Variants in GRIA2 observed in about 807,000 individuals in gnomAD.
GRIA2 encodes the protein glutamate ionotropic receptor AMPA type subunit 2, also known as glutamate receptor 2.
Under a neutral mutation model 97.3 loss-of-function variants are expected in GRIA2, and 14 were observed. That is an observed-to-expected ratio of 0.14 (90% CI 0.10 to 0.23). GRIA2 has a LOEUF of 0.23. GRIA2 is among the 10% of genes least tolerant of loss of function. The probability of loss-of-function intolerance (pLI) is 1.00; values close to 1 mark genes in which losing one functional copy is unlikely to be tolerated. For missense variants in GRIA2, 558 were observed against 1,069.8 expected (o/e 0.52, Z 6.67); for synonymous variants, 412 against 387.8 (o/e 1.06, Z -0.73).
rs1040087772 is a variant in GRIA2, at chr4:157,221,739, C to T, written c.161C>T (p.Ser54Leu). 1.9e-6 allele frequency: 3 copies of T among 1,613,676 alleles called. No individual in the cohort carries two copies. Among genetic ancestry groups the T allele is most frequent in the African/African-American group, 1.3e-5 (1 of 74,910 alleles). ...GTAGGGATGGTTCAGTTTTCCACTT[C>T]GGAGTTCAGACTGACACCCCACATC... ...FRVGMVQFSTSEFRLTPHIDN... is the reference protein window; with the variant it reads ...FRVGMVQFSTLEFRLTPHIDN... The change falls in exon 2 of 16, where the codon TCG (serine) becomes TTG (leucine). Residue 54 changes from serine (S) to leucine (L), a missense_variant. Ser to Leu is a moderately radical substitution (Grantham distance 145). Coordinates refer to ENST00000264426, the MANE Select transcript of GRIA2 (RefSeq NM_001083619.3).
intron 2 of GRIA2, among the ~76,000 whole-genome samples, chr4:157,278,720 C>T (rs1732460467): frequency 6.6e-6 from 1 of 151,804 alleles, no homozygotes; most frequent in Non-Finnish European, 1.5e-5. Context: ...AAAGACATAT[C>T]TAATAAAGGC....
intron 2 of GRIA2, among the ~76,000 whole-genome samples, chr4:157,269,852 TC>T (rs1476516806): frequency 6.6e-5 from 10 of 152,234 alleles, no homozygotes; most frequent in South Asian, 2.1e-4. Context: ...TGTTTAGGTA[TC>T]TTTTTTACTA....
At chr4:157,242,418 C>T (rs1561006454) in intron 2 of GRIA2, among the ~76,000 whole-genome samples, 1 of 151,994 alleles carries the variant, frequency 6.6e-6, no homozygotes, top group Non-Finnish European at 1.5e-5. Flanking sequence ...TAAAAGCACA[C>T]TGAAGCAATA....
In GRIA2 at chr4:157,336,249, T is replaced by G. The variant is rs1229498920; in HGVS notation, c.1474-128T>G. The G allele has an allele frequency of 3.4e-5, 26 of 774,626 alleles. No homozygotes were observed. The East Asian group carries it at 5.9e-4, about 18-fold the overall frequency. The allele number at this position is 774,626 out of a possible 1,614,324, so 48.0% of individuals were successfully genotyped here. Reference sequence around the variant, plus strand: ...CTTTTTGTTTATCCTTTACTGGGACTATACCAAGGAAAAAATTATTGTCAT... The same window carrying G: ...CTTTTTGTTTATCCTTTACTGGGACGATACCAAGGAAAAAATTATTGTCAT... On this transcript the variant is annotated intron_variant, in intron 10 of 15. Transcript: ENST00000264426.
At chr4:157,224,460 C>G (rs1225614355) in intron 2 of GRIA2, among the ~76,000 whole-genome samples, 1 of 152,060 alleles carries the variant, frequency 6.6e-6, no homozygotes, top group Non-Finnish European at 1.5e-5. Context: ...ATGTTTGTGA[C>G]TCCGTTTTTT....
intron 2 of GRIA2, among the ~76,000 whole-genome samples, chr4:157,289,338 C>T (rs2126831704): frequency 6.6e-6 from 1 of 151,950 alleles, no homozygotes; most frequent in East Asian, 1.9e-4. Flanking sequence ...ATGAGTGCAT[C>T]AGTGCCCCCA....
Position 157,363,659 on chromosome 4 carries a change from T to C in GRIA2, c.*228T>C. 2.1e-6 allele frequency: 2 copies of C among 936,508 alleles called. No individual in the cohort carries two copies. The highest frequency in any genetic ancestry group is 2.8e-6 in the Non-Finnish European group (2 of 716,302). 58.0% of individuals were successfully genotyped at this position (936,508 alleles called of 1,614,324 possible). On this transcript the variant is annotated 3_prime_UTR_variant, in exon 16 of 16. Transcript: ENST00000264426. ...TTTTCTTGTGTGTTTATTGTCAAAG[T>C]GGTGAGAGGCATCCAGTATCTTGAA...
chr4:157,308,041 A>G (rs758638819), intron 3 of GRIA2, among the ~76,000 whole-genome samples: 1 of 152,266 alleles, frequency 6.6e-6, no homozygotes. Flanking sequence ...AATATTTTTA[A>G]GCAGTAAGAC....
chr4:157,295,413 A>G (rs1733301281), intron 2 of GRIA2, among the ~76,000 whole-genome samples: 2 of 152,122 alleles, frequency 1.3e-5, no homozygotes, highest in Admixed American at 1.3e-4. Context: ...GAGGCAATTT[A>G]TGGAAAATGT....
chr4:157,316,902 G>A (rs988242759), intron 4 of GRIA2, among the ~76,000 whole-genome samples: 2 of 152,108 alleles, frequency 1.3e-5, no homozygotes, highest in African/African-American at 4.8e-5. Flanking sequence ...TACTCTCTTC[G>A]TAATTGATAC....
At chr4:157,274,662 C>T (rs1244704948) in intron 2 of GRIA2, among the ~76,000 whole-genome samples, 1 of 151,646 alleles carries the variant, frequency 6.6e-6, no homozygotes, top group Non-Finnish European at 1.5e-5. Context: ...ATGGTGGTTT[C>T]CAGCTTCATC....
At chr4:157,266,749 A>G (rs769798238) in intron 2 of GRIA2, among the ~76,000 whole-genome samples, 6 of 152,110 alleles carry the variant, frequency 3.9e-5, no homozygotes, top group Admixed American at 6.6e-5. Context: ...GAGAGACTCG[A>G]ACAAGAGAAG....
chr4:157,275,942 A>C (rs998749060), intron 2 of GRIA2, among the ~76,000 whole-genome samples: 2 of 152,116 alleles, frequency 1.3e-5, no homozygotes, highest in South Asian at 2.1e-4. Context: ...TGAATCTATT[A>C]ATTACCTTGG....
chr4:157,273,131 A>T (rs2126793445), intron 2 of GRIA2, among the ~76,000 whole-genome samples: 1 of 152,254 alleles, frequency 6.6e-6, no homozygotes, highest in South Asian at 2.1e-4. Context: ...TTATTATATT[A>T]GTTATTATAA....
chr4:157,344,918 T>A (rs1170101284), intron 12 of GRIA2, among the ~76,000 whole-genome samples: 1 of 152,150 alleles, frequency 6.6e-6, no homozygotes, highest in African/African-American at 2.4e-5. Flanking sequence ...AATTTGGAAC[T>A]CCTAGTCTTT....
At chr4:157,289,621 C>T (rs1426966628) in intron 2 of GRIA2, among the ~76,000 whole-genome samples, 4 of 151,724 alleles carry the variant, frequency 2.6e-5, no homozygotes, top group Non-Finnish European at 4.4e-5. Context: ...TTTCTTGTGA[C>T]TTGTGACAGG....
chr4:157,305,064 A>T (rs1579348362), intron 3 of GRIA2, among the ~76,000 whole-genome samples: 1 of 152,314 alleles, frequency 6.6e-6, no homozygotes. Flanking sequence ...CATTTACAGT[A>T]AATACAGATT....
At position 157,341,142 on chromosome 4, in the gene GRIA2, T is replaced by C. The variant is rs111320836; in HGVS notation, c.1845-122T>C. On this transcript the variant is annotated intron_variant, in intron 11 of 15. Coordinates refer to ENST00000264426, the MANE Select transcript of GRIA2 (RefSeq NM_001083619.3). ...ATTTCCAGTTTCATTAACTAGTAGA[T>C]ACATTGAAAAATATAAAATTAAATA... 803 of 692,316 alleles carry C rather than the reference T, an allele frequency of 1.2e-3. 5 individuals carry two copies. The African/African-American group carries it at 0.013, about 11-fold the overall frequency. 42.9% of individuals were successfully genotyped at this position (692,316 alleles called of 1,614,324 possible).
intron 2 of GRIA2, among the ~76,000 whole-genome samples, chr4:157,285,958 T>C (rs1257694363): frequency 6.6e-6 from 1 of 151,516 alleles, no homozygotes; most frequent in African/African-American, 2.4e-5. Context: ...TAGTAGGTGA[T>C]ATAATAATAA....
Sources: allele counts gnomAD v4.1 joint callset (sites outside exome capture counted in the v4.1 genomes callset), GRCh38; gene constraint gnomAD v4.1.1; transcripts MANE v1.5; gene names NCBI Gene and HGNC (gene_info 2026-07-23, HGNC 2026-07-21).